Variants in ARF4 observed in about 807,000 individuals in gnomAD.
ARF4 encodes the protein ADP-ribosylation factor 4.
A neutral mutation model predicts 24.3 loss-of-function variants in ARF4; 5 were observed. The observed-to-expected ratio is 0.21, with a 90% CI of 0.11 to 0.43. The LOEUF (loss-of-function observed/expected upper bound fraction) is 0.43, where lower values mean the gene tolerates loss of function less well. ARF4 is among the 20% of genes least tolerant of loss of function. The probability of loss-of-function intolerance (pLI) is 1.00; values close to 1 mark genes in which losing one functional copy is unlikely to be tolerated. For synonymous variants in ARF4, 62 were observed against 73.5 expected, an observed-to-expected ratio of 0.84 and a Z score of 0.80; for missense variants, 107 against 213.0, an observed-to-expected ratio of 0.50 and a Z score of 3.10.
At chr3:57,575,038 A>AGGGTT in intron 5 of ARF4, among the ~76,000 whole-genome samples, 1 of 152,082 alleles carries the variant, frequency 6.6e-6, no homozygotes, top group East Asian at 1.9e-4. Flanking sequence ...TAGTAGAGAC[A>AGGGTT]GGGTTTCTCC....
intron 1 of ARF4, among the ~76,000 whole-genome samples, chr3:57,595,534 A>G (rs539580766): frequency 2.0e-5 from 3 of 152,370 alleles, no homozygotes; most frequent in Non-Finnish European, 4.4e-5. Flanking sequence ...ATTGATTCAC[A>G]AAGTGTAAGT....
rs149547076 is a variant in ARF4 at position 57,571,717 on chromosome 3, T to C, written c.*495A>G. 7.2e-3 allele frequency: 1,119 copies of C among 156,094 alleles called. 8 individuals are homozygous for C. The highest frequency in any genetic ancestry group is 0.011 in the Non-Finnish European group (806 of 70,172). The allele number at this position is 156,094 out of a possible 1,614,324, so 9.7% of individuals were successfully genotyped here. A position where few individuals can be genotyped will look rare whatever the true frequency, so the allele number is the denominator to read the frequency against. ...AATGTAGGGGGAAAAATTTCCTCAGTGCAAGAGAGCTGAGTAGTGTTTTGG... is the reference window on the plus strand; with the variant it reads ...AATGTAGGGGGAAAAATTTCCTCAGCGCAAGAGAGCTGAGTAGTGTTTTGG... On this transcript the variant is annotated 3_prime_UTR_variant, in exon 6 of 6. Transcript: ENST00000303436.
chr3:57,582,173 T>C (rs924063365), intron 3 of ARF4, among the ~76,000 whole-genome samples: 8 of 152,234 alleles, frequency 5.3e-5, no homozygotes, highest in African/African-American at 1.9e-4. Flanking sequence ...ATAAGGAAGC[T>C]TTTTAAAGCA....
At chr3:57,594,094 A>G (rs898738416) in intron 1 of ARF4, among the ~76,000 whole-genome samples, 3 of 152,064 alleles carry the variant, frequency 2.0e-5, no homozygotes, top group South Asian at 4.1e-4. Flanking sequence ...CGTCTCTACT[A>G]AAAATACAAA....
At chr3:57,584,957 G>A (rs943680306) in intron 1 of ARF4, among the ~76,000 whole-genome samples, 2 of 152,016 alleles carry the variant, frequency 1.3e-5, no homozygotes, top group South Asian at 2.1e-4. Flanking sequence ...TCCACCTCCC[G>A]GGTTCGAGCA....
chr3:57,585,276 G>T (rs1324218431), intron 1 of ARF4, among the ~76,000 whole-genome samples: 1 of 152,142 alleles, frequency 6.6e-6, no homozygotes, highest in Non-Finnish European at 1.5e-5. Flanking sequence ...AGTAAAATTT[G>T]GGTAACAGAT....
intron 3 of ARF4, among the ~76,000 whole-genome samples, chr3:57,578,390 TAAAA>T (rs369758203): frequency 7.0e-6 from 1 of 142,372 alleles, no homozygotes. Flanking sequence ...CCCTATCTCT[TAAAA>T]AAAAAAAGAA....
intron 5 of ARF4, among the ~76,000 whole-genome samples, chr3:57,572,523 C>T (rs1454165244): frequency 2.0e-5 from 3 of 151,694 alleles, no homozygotes; most frequent in African/African-American, 7.3e-5. Context: ...TAGTTCGAGA[C>T]CAGCCTGGGT....
intron 1 of ARF4, among the ~76,000 whole-genome samples, chr3:57,591,799 G>GA (rs1389059687): frequency 1.3e-5 from 2 of 151,948 alleles, no homozygotes; most frequent in Non-Finnish European, 2.9e-5. Flanking sequence ...CATGCCAAGT[G>GA]AAAAAAGCCA....
At chr3:57,577,515 T>G (rs2069921077) in intron 3 of ARF4, 128 bp from the exon 4 acceptor site, 1 of 700,076 alleles carries the variant, frequency 1.4e-6, no homozygotes, top group African/African-American at 1.8e-5. Context: ...AGTAAGAACT[T>G]AAGGCTGTAA....
intron 1 of ARF4, among the ~76,000 whole-genome samples, chr3:57,592,668 A>G (rs1016832943): frequency 6.6e-6 from 1 of 152,170 alleles, no homozygotes. Context: ...GCACTACTAT[A>G]ATAATGCAAA....
Position 57,571,858 on chromosome 3 carries a change from G to GT in ARF4, c.*353dup. 1 of 189,796 alleles carries GT rather than the reference G, an allele frequency of 5.3e-6. No homozygotes were observed. The highest frequency in any genetic ancestry group is 1.1e-5 in the Non-Finnish European group (1 of 91,270). 11.8% of individuals were successfully genotyped at this position (189,796 alleles called of 1,614,324 possible). ...GCAAACTGTCTCAGGAATGATAAAG[G>GT]TATCAGTAAAGTAGCAAGGGGATAA... On this transcript the variant is annotated 3_prime_UTR_variant, in exon 6 of 6. Coordinates refer to ENST00000303436, the MANE Select transcript of ARF4 (RefSeq NM_001660.4).
chr3:57,576,222 A>C (rs538817391), intron 4 of ARF4, among the ~76,000 whole-genome samples: 17 of 152,314 alleles, frequency 1.1e-4, no homozygotes, highest in Middle Eastern at 3.4e-3. Context: ...TAAGTGAAAA[A>C]ATCAGTCACA....
chr3:57,577,214 C>A, intron 4 of ARF4, 102 bp downstream of exon 4: 1 of 915,582 alleles, frequency 1.1e-6, no homozygotes, highest in Non-Finnish European at 1.7e-6. Context: ...CCCCCCCAAT[C>A]CATTTGTGTA....
chr3:57,581,598 C>T (rs1208714705), intron 3 of ARF4, among the ~76,000 whole-genome samples: 2 of 152,114 alleles, frequency 1.3e-5, no homozygotes, highest in South Asian at 2.1e-4. Flanking sequence ...GTCAGGAGAT[C>T]GAGACCAGCC....
intron 5 of ARF4, 92 bp from the exon 6 acceptor site, chr3:57,572,390 C>T: frequency 1.1e-6 from 1 of 948,490 alleles, no homozygotes; most frequent in Non-Finnish European, 1.6e-6. Context: ...AGAGTCTTTT[C>T]ACACCTCTTG....
intron 1 of ARF4, 90 bp downstream of exon 1, chr3:57,596,984 G>A (rs1032155563): frequency 3.5e-6 from 5 of 1,409,468 alleles, no homozygotes; most frequent in East Asian, 4.9e-5. Flanking sequence ...CACCACAGCG[G>A]GCGGAGGAAA....
At chr3:57,590,089 C>CAATCAATA (rs369725657) in intron 1 of ARF4, among the ~76,000 whole-genome samples, 1 of 135,164 alleles carries the variant, frequency 7.4e-6, no homozygotes, top group East Asian at 2.1e-4. Flanking sequence ...GACTCTGTCT[C>CAATCAATA]AATAAATAAA....
At chr3:57,584,508 A>G (rs1388004278) in intron 1 of ARF4, 44 bp from the exon 2 acceptor site, 8 of 1,464,360 alleles carry the variant, frequency 5.5e-6, no homozygotes, top group Non-Finnish European at 7.6e-6. Context: ...CCAAAAGCAC[A>G]CTCCAAGAAA....
Sources: allele counts gnomAD v4.1 joint callset (sites outside exome capture counted in the v4.1 genomes callset), GRCh38; gene constraint gnomAD v4.1.1; transcripts MANE v1.5; gene names NCBI Gene and HGNC (gene_info 2026-07-23, HGNC 2026-07-21).